Variants in PDZRN4 observed in about 807,000 individuals in gnomAD.
The protein encoded by PDZRN4 is PDZ domain-containing RING finger protein 4.
PDZRN4 carries 70 observed loss-of-function variants against 99.0 expected under a neutral mutation model. That is an observed-to-expected ratio of 0.71 (90% CI 0.58 to 0.86). The LOEUF (loss-of-function observed/expected upper bound fraction) is 0.86, where lower values mean the gene tolerates loss of function less well. PDZRN4 is among the 40% of genes least tolerant of loss of function. The pLI, the probability that PDZRN4 is intolerant of heterozygous loss-of-function variation, is 0.00. For synonymous variants in PDZRN4, 551 were observed against 501.6 expected (o/e 1.10, Z -1.32); for missense variants, 1,474 against 1,331.2 (o/e 1.11, Z -1.67).
At chr12:41,553,952 C>A (rs1356545394) in intron 6 of PDZRN4, among the ~76,000 whole-genome samples, 1 of 152,008 alleles carries the variant, frequency 6.6e-6, no homozygotes, top group Non-Finnish European at 1.5e-5. Context: ...TTTTGATAGA[C>A]CTGCTTAGAA....
intron 3 of PDZRN4, among the ~76,000 whole-genome samples, chr12:41,211,565 G>T (rs553249089): frequency 6.6e-6 from 1 of 151,902 alleles, no homozygotes; most frequent in Non-Finnish European, 1.5e-5. Context: ...TAAACAGAGA[G>T]ATATGATCTT....
chr12:41,554,925 T>TG (rs1244152929), intron 6 of PDZRN4, among the ~76,000 whole-genome samples: 3 of 151,536 alleles, frequency 2.0e-5, no homozygotes, highest in African/African-American at 7.3e-5. Context: ...AGTATGGTCT[T>TG]GGGCCGGACG....
In PDZRN4 at chr12:41,553,074, C is replaced by G. The variant is rs546479102; in HGVS notation, c.1302+320C>G. Among the ~76,000 whole-genome samples the G allele has an allele frequency of 7.0e-4, 106 of 152,358 alleles. 1 individual carries two copies. Among genetic ancestry groups the G allele is most frequent in the African/African-American group, 2.5e-3 (103 of 41,596 alleles). ...AGCAAAGTTTTTGATCCTCAAACATCTGTCCTTCCATTCTACTGTGTCTTT... is the reference window on the plus strand; with the variant it reads ...AGCAAAGTTTTTGATCCTCAAACATGTGTCCTTCCATTCTACTGTGTCTTT... On this transcript the variant is annotated intron_variant, in intron 6 of 9. Transcript: ENST00000402685.
chr12:41,475,383 G>A (rs932623487), intron 3 of PDZRN4, among the ~76,000 whole-genome samples: 6 of 152,100 alleles, frequency 3.9e-5, no homozygotes, highest in South Asian at 2.1e-4. Context: ...ATAAATCACC[G>A]GATGTTTAAC....
chr12:41,368,458 T>C (rs528055401), intron 3 of PDZRN4, among the ~76,000 whole-genome samples: 4 of 152,216 alleles, frequency 2.6e-5, no homozygotes, highest in East Asian at 1.9e-4. Flanking sequence ...CTGTTCCTCA[T>C]TGAGCTGTGA....
intron 3 of PDZRN4, among the ~76,000 whole-genome samples, chr12:41,282,773 C>G (rs1447072878): frequency 6.6e-6 from 1 of 152,276 alleles, no homozygotes. Flanking sequence ...TGAATGACTA[C>G]TGGGTAAATA....
chr12:41,523,540 A>T (rs1938525767), intron 5 of PDZRN4, among the ~76,000 whole-genome samples: 2 of 152,108 alleles, frequency 1.3e-5, no homozygotes, highest in African/African-American at 4.8e-5. Flanking sequence ...TTTATTAAGC[A>T]CCTAGTTCGT....
rs192751186 is a variant in PDZRN4, at chr12:41,573,251, C to T, written c.2472C>T (p.Ser824=). ...SKLPDQEKAV[S]EHIPYLSPYH... is the part of the protein sequence containing the mutation. ...TTCCTGATCAAGAGAAGGCAGTCAG[C>T]GAACACATCCCTTACCTCTCTCCTT... is the stretch of plus-strand genomic sequence containing the variant. The change falls in exon 10 of 10, where the codon AGC becomes AGT. Residue 824 remains serine (S), a synonymous_variant. Coordinates refer to ENST00000402685, the MANE Select transcript of PDZRN4 (RefSeq NM_001164595.2). 183 of 1,613,920 alleles carry T rather than the reference C, an allele frequency of 1.1e-4. No individual in the cohort carries two copies. In the East Asian group the frequency reaches 1.6e-3, roughly 14 times the overall value.
intron 3 of PDZRN4, among the ~76,000 whole-genome samples, chr12:41,297,489 T>A (rs1951504131): frequency 6.6e-6 from 1 of 152,178 alleles, no homozygotes; most frequent in African/African-American, 2.4e-5. Flanking sequence ...TACAAGCTCA[T>A]GTATAAACTA....
intron 8 of PDZRN4, among the ~76,000 whole-genome samples, chr12:41,565,603 C>A (rs192755660): frequency 1.8e-4 from 28 of 151,368 alleles, no homozygotes; most frequent in Non-Finnish European, 4.1e-4. Context: ...ACATTTTTAA[C>A]GTTTCAAATA....
At chr12:41,524,108 C>T (rs189573430) in intron 5 of PDZRN4, among the ~76,000 whole-genome samples, 1 of 152,216 alleles carries the variant, frequency 6.6e-6, no homozygotes, top group East Asian at 1.9e-4. Flanking sequence ...ATTTCATTCA[C>T]AACAGCATTA....
intron 3 of PDZRN4, among the ~76,000 whole-genome samples, chr12:41,355,744 T>G (rs977922387): frequency 2.6e-5 from 4 of 152,060 alleles, no homozygotes; most frequent in Non-Finnish European, 4.4e-5. Flanking sequence ...AGTATTAGTG[T>G]CTCCAAGTTT....
chr12:41,326,369 C>CTT (rs1951709623), intron 3 of PDZRN4, among the ~76,000 whole-genome samples: 3 of 152,126 alleles, frequency 2.0e-5, no homozygotes, highest in African/African-American at 7.2e-5. Flanking sequence ...AGCTGGTGGA[C>CTT]TTTGATTGTT....
chr12:41,209,934 A>G (rs975265095), intron 3 of PDZRN4, among the ~76,000 whole-genome samples: 2 of 149,750 alleles, frequency 1.3e-5, no homozygotes, highest in African/African-American at 4.9e-5. Context: ...TGACTTCCAC[A>G]ATGGTTGAAC....
intron 3 of PDZRN4, among the ~76,000 whole-genome samples, chr12:41,365,257 T>C (rs1407942949): frequency 2.0e-5 from 3 of 152,154 alleles, no homozygotes; most frequent in Non-Finnish European, 4.4e-5. Context: ...TTTATTGCTA[T>C]GGACCTAAAG....
At chr12:41,358,467 C>T (rs1951943190) in intron 3 of PDZRN4, among the ~76,000 whole-genome samples, 1 of 151,966 alleles carries the variant, frequency 6.6e-6, no homozygotes, top group South Asian at 2.1e-4. Flanking sequence ...TGGACAATTT[C>T]CATACTCTTA....
intron 3 of PDZRN4, among the ~76,000 whole-genome samples, chr12:41,501,162 T>G (rs1938102852): frequency 6.6e-6 from 1 of 152,164 alleles, no homozygotes; most frequent in Admixed American, 6.6e-5. Flanking sequence ...TTAAATTTAT[T>G]CTCCCTTGAA....
chr12:41,350,526 G>A (rs575245606), intron 3 of PDZRN4, among the ~76,000 whole-genome samples: 1 of 151,984 alleles, frequency 6.6e-6, no homozygotes, highest in Non-Finnish European at 1.5e-5. Flanking sequence ...ATACATTTTA[G>A]TGAAAAAATG....
intron 6 of PDZRN4, among the ~76,000 whole-genome samples, chr12:41,554,500 T>C (rs1939110693): frequency 6.6e-6 from 1 of 151,916 alleles, no homozygotes; most frequent in South Asian, 2.1e-4. Context: ...GTGGCACCCA[T>C]AATAAGAAAG....
Sources: allele counts gnomAD v4.1 joint callset (sites outside exome capture counted in the v4.1 genomes callset), GRCh38; gene constraint gnomAD v4.1.1; transcripts MANE v1.5; gene names NCBI Gene and HGNC (gene_info 2026-07-23, HGNC 2026-07-21).